The following COL19A1 variants were observed in gnomAD, a reference collection of about 807,000 sequenced individuals.
COL19A1 encodes collagen alpha-1(XIX) chain.
In COL19A1, 159 loss-of-function variants were observed where a neutral mutation model predicts 190.2. The observed-to-expected ratio is 0.84, with a 90% CI of 0.73 to 0.95. The LOEUF is 0.95. Among genes scored for constraint, COL19A1 ranks in the 40% least tolerant of loss-of-function variants. The pLI is 0.00. For missense variants in COL19A1, 1,418 were observed against 1,431.9 expected (o/e 0.99, Z 0.16); for synonymous variants, 509 against 458.9 (o/e 1.11, Z -1.39).
At chr6:69,955,847 T>C (rs1358749947) in intron 9 of COL19A1, among the ~76,000 whole-genome samples, 2 of 152,064 alleles carry the variant, frequency 1.3e-5, no homozygotes, top group East Asian at 3.8e-4. Flanking sequence ...GAAATAAGAC[T>C]GATGGGCAAA....
intron 11 of COL19A1, among the ~76,000 whole-genome samples, chr6:70,006,587 T>A (rs1017471974): frequency 1.3e-5 from 2 of 152,230 alleles, no homozygotes; most frequent in Non-Finnish European, 2.9e-5. Context: ...TAGTCGGCCA[T>A]CTTGGCCCCA....
chr6:70,095,642 A>G (rs1783205440), intron 15 of COL19A1, among the ~76,000 whole-genome samples: 1 of 152,188 alleles, frequency 6.6e-6, no homozygotes, highest in Non-Finnish European at 1.5e-5. Flanking sequence ...GAACATTTTC[A>G]TCGTGCAAAA....
intron 49 of COL19A1, among the ~76,000 whole-genome samples, chr6:70,204,354 C>T (rs1005921649): frequency 1.3e-5 from 2 of 152,230 alleles, no homozygotes; most frequent in Admixed American, 6.5e-5. Flanking sequence ...AAAAAAAACC[C>T]TACGGCTTTA....
At chr6:70,118,885 A>G (rs1278102112) in intron 16 of COL19A1, among the ~76,000 whole-genome samples, 3 of 152,100 alleles carry the variant, frequency 2.0e-5, no homozygotes, top group African/African-American at 2.4e-5. Flanking sequence ...CCCCACCCCC[A>G]GTGGTAAGCT....
At chr6:69,917,256 A>G (rs1234467223) in intron 4 of COL19A1, among the ~76,000 whole-genome samples, 1 of 152,254 alleles carries the variant, frequency 6.6e-6, no homozygotes. Flanking sequence ...AACCTGCTTT[A>G]GAATCACATA....
intron 2 of COL19A1, among the ~76,000 whole-genome samples, chr6:69,896,462 G>A (rs1769757910): frequency 2.0e-5 from 3 of 150,148 alleles, no homozygotes; most frequent in South Asian, 4.2e-4. Flanking sequence ...GCGTGAACCC[G>A]GGAGGCGGAG....
intron 15 of COL19A1, among the ~76,000 whole-genome samples, chr6:70,082,979 G>A (rs1479986349): frequency 1.3e-5 from 2 of 152,144 alleles, no homozygotes; most frequent in East Asian, 3.9e-4. Context: ...CAGAGTTCAT[G>A]CGGTAATGCT....
intron 16 of COL19A1, among the ~76,000 whole-genome samples, chr6:70,117,506 G>C (rs1217316416): frequency 6.6e-6 from 1 of 152,196 alleles, no homozygotes; most frequent in Non-Finnish European, 1.5e-5. Context: ...AAAGCTGCTA[G>C]AACTATTGCT....
chr6:69,942,200 A>G (rs1472261845), intron 9 of COL19A1, among the ~76,000 whole-genome samples: 1 of 152,190 alleles, frequency 6.6e-6, no homozygotes, highest in Non-Finnish European at 1.5e-5. Context: ...ATGTCACTAC[A>G]TTACAGTATT....
chr6:70,046,588 G>A (rs1779932079), intron 14 of COL19A1, among the ~76,000 whole-genome samples: 1 of 151,950 alleles, frequency 6.6e-6, no homozygotes, highest in African/African-American at 2.4e-5. Flanking sequence ...GTGCACTGGT[G>A]CTGTTTGTAT....
intron 11 of COL19A1, among the ~76,000 whole-genome samples, chr6:70,009,882 T>A (rs1777882053): frequency 6.6e-6 from 1 of 152,172 alleles, no homozygotes; most frequent in Admixed American, 6.5e-5. Context: ...TGGATTTGCA[T>A]GTTTAAGAAA....
intron 18 of COL19A1, among the ~76,000 whole-genome samples, chr6:70,135,591 C>A (rs1001314092): frequency 2.6e-5 from 4 of 152,154 alleles, no homozygotes; most frequent in African/African-American, 7.2e-5. Context: ...CCACTGTGCA[C>A]CGAAGCCAAT....
intron 47 of COL19A1, 29 bp downstream of exon 47, chr6:70,188,274 C>T: frequency 6.3e-7 from 1 of 1,577,032 alleles, no homozygotes; most frequent in Non-Finnish European, 8.6e-7. Context: ...CTTTAGGGCT[C>T]CTGGCTTGTA....
intron 4 of COL19A1, among the ~76,000 whole-genome samples, chr6:69,910,307 A>G (rs1171512964): frequency 6.6e-6 from 1 of 152,170 alleles, no homozygotes; most frequent in African/African-American, 2.4e-5. Context: ...TCTTGTATCA[A>G]TGGTACCACA....
chr6:70,090,009 C>G (rs1034517180), intron 15 of COL19A1, among the ~76,000 whole-genome samples: 1 of 151,936 alleles, frequency 6.6e-6, no homozygotes, highest in African/African-American at 2.4e-5. Context: ...AGACACCCAT[C>G]TCTACAAAAA....
At chr6:70,062,279 CTG>C (rs1780884160) in intron 14 of COL19A1, among the ~76,000 whole-genome samples, 1 of 151,978 alleles carries the variant, frequency 6.6e-6, no homozygotes, top group Non-Finnish European at 1.5e-5. Flanking sequence ...ATACTGAACT[CTG>C]AGAATATTAA....
At chr6:70,032,130 T>C (rs1411952182) in intron 12 of COL19A1, among the ~76,000 whole-genome samples, 2 of 152,114 alleles carry the variant, frequency 1.3e-5, no homozygotes, top group African/African-American at 4.8e-5. Context: ...GGTAGGGTGA[T>C]TCTTACCAAA....
chr6:69,994,428 G>C (rs1776789842), intron 11 of COL19A1, among the ~76,000 whole-genome samples: 1 of 152,118 alleles, frequency 6.6e-6, no homozygotes. Context: ...TGAGTCATTG[G>C]ACCTAGTGGA....
In COL19A1 at chr6:69,987,019, C is replaced by CA. The variant is rs1481121356; in HGVS notation, c.1026+24151dup. On this transcript the variant is annotated intron_variant, in intron 11 of 50. Transcript: ENST00000620364. The stretch of plus-strand genomic sequence containing the variant: ...CACTGCAGCCTTGACCTCTTGGGCT[C>CA]AAGAGATCCTCCCACCTCAGCCTCC... Among the ~76,000 whole-genome samples the CA allele has an allele frequency of 1.4e-4, 21 of 152,272 alleles. No individual in the cohort carries two copies. The East Asian group carries it at 4.1e-3, about 29-fold the overall frequency.
Sources: allele counts gnomAD v4.1 joint callset (sites outside exome capture counted in the v4.1 genomes callset), GRCh38; gene constraint gnomAD v4.1.1; transcripts MANE v1.5; gene names NCBI Gene and HGNC (gene_info 2026-07-23, HGNC 2026-07-21).